The following CBFA2T3 variants were observed in gnomAD, a reference collection of about 807,000 sequenced individuals.
The protein encoded by CBFA2T3 is CBFA2/RUNX1 partner transcriptional co-repressor 3, also known as transcriptional corepressor CBFA2T3.
CBFA2T3 carries 31 observed loss-of-function variants against 58.6 expected under a neutral mutation model. That is an observed-to-expected ratio of 0.53 (90% CI 0.40 to 0.71). The LOEUF is 0.71. Among genes scored for constraint, CBFA2T3 ranks in the 30% least tolerant of loss-of-function variants. CBFA2T3 has a pLI of 0.00. For synonymous variants in CBFA2T3, 531 were observed against 421.9 expected, an observed-to-expected ratio of 1.26 and a Z score of -3.17; for missense variants, 1,076 against 963.1, an observed-to-expected ratio of 1.12 and a Z score of -1.55.
chr16:88,886,380 G>A, intron 5 of CBFA2T3: 1 of 390,534 alleles, frequency 2.6e-6, no homozygotes, highest in Non-Finnish European at 4.6e-6. Context: ...ACACGGCGAT[G>A]TGGGGCATGT....
At chr16:88,945,755 TTGAC>T (rs1971885366) in intron 1 of CBFA2T3, among the ~76,000 whole-genome samples, 1 of 152,202 alleles carries the variant, frequency 6.6e-6, no homozygotes, top group Non-Finnish European at 1.5e-5. Context: ...GGAAGACAGT[TTGAC>T]TGTTTCTTAT....
Position 88,878,027 on chromosome 16 carries a change from G to A in CBFA2T3, c.1663-752C>T, listed in dbSNP as rs1322069347. 4.6e-5 allele frequency among the ~76,000 whole-genome samples: 7 copies of A among 152,200 alleles called. 1 individual carries two copies. Among genetic ancestry groups the A allele is most frequent in the East Asian group, 3.9e-4 (2 of 5,184 alleles). ...GCCACTGCAGCAGCAGCTTCCCTGC[G>A]GACTAGGCACTGCCAGGCACAGTCC... On this transcript the variant is annotated intron_variant, in intron 11 of 11. Coordinates refer to ENST00000268679, the MANE Select transcript of CBFA2T3 (RefSeq NM_005187.6).
At chr16:88,903,876 C>T (rs978719684) in intron 1 of CBFA2T3, among the ~76,000 whole-genome samples, 1 of 152,232 alleles carries the variant, frequency 6.6e-6, no homozygotes, top group Admixed American at 6.5e-5. Context: ...CAAAGCCCTC[C>T]CATGGAGGCG....
chr16:88,929,005 C>T (rs1415410315), intron 1 of CBFA2T3, among the ~76,000 whole-genome samples: 1 of 152,190 alleles, frequency 6.6e-6, no homozygotes, highest in Non-Finnish European at 1.5e-5. Context: ...CTTGGAGGCC[C>T]CACGAGGACC....
At chr16:88,975,209 ACCCTCTGC>A (rs1972813140) in intron 1 of CBFA2T3, among the ~76,000 whole-genome samples, 1 of 76,386 alleles carries the variant, frequency 1.3e-5, no homozygotes, top group African/African-American at 5.1e-5. Flanking sequence ...GTCCACCCTG[ACCCTCTGC>A]TCCTCACCTG....
intron 1 of CBFA2T3, among the ~76,000 whole-genome samples, chr16:88,919,864 C>A (rs912520337): frequency 6.6e-6 from 1 of 152,204 alleles, no homozygotes; most frequent in Non-Finnish European, 1.5e-5. Flanking sequence ...TCCTGGGCCT[C>A]GGTTCCTTCA....
chr16:88,914,653 G>C (rs1163197869), intron 1 of CBFA2T3, among the ~76,000 whole-genome samples: 1 of 137,912 alleles, frequency 7.3e-6, no homozygotes, highest in African/African-American at 3.4e-5. Flanking sequence ...AGCCATCAAA[G>C]GTGCCATCAA....
rs568737742 is a variant in CBFA2T3 at position 88,931,537 on chromosome 16, C to T, written c.152-29881G>A. On this transcript the variant is annotated intron_variant, in intron 1 of 11. Transcript: ENST00000268679. ...AGGTGGAGAAGGGCCGTGGGCCGGC[C>T]CCGTGGACGAGCCAGAGGTGGAGAA... 4.6e-5 allele frequency among the ~76,000 whole-genome samples: 7 copies of T among 152,130 alleles called. No individual in the cohort carries two copies. In the South Asian group the frequency reaches 1.5e-3, roughly 32 times the overall value.
At chr16:88,954,416 C>CCAGCCAAGGCTCCTGATCG (rs1972160869) in intron 1 of CBFA2T3, among the ~76,000 whole-genome samples, 1 of 138,594 alleles carries the variant, frequency 7.2e-6, no homozygotes, top group Non-Finnish European at 1.5e-5. Context: ...ACTCCTGACC[C>CCAGCCAAGGCTCCTGATCG]CACCCAAGGC....
chr16:88,910,684 A>G (rs1388906545), intron 1 of CBFA2T3, among the ~76,000 whole-genome samples: 1 of 152,208 alleles, frequency 6.6e-6, no homozygotes, highest in Non-Finnish European at 1.5e-5. Flanking sequence ...CCTGAGGGGC[A>G]TGTGAAACAG....
intron 1 of CBFA2T3, chr16:88,902,536 G>A (rs1340182791): frequency 6.6e-6 from 1 of 152,280 alleles, no homozygotes; most frequent in African/African-American, 2.4e-5. Flanking sequence ...GGGGGGCACG[G>A]AGCCCCCTTG....
chr16:88,959,299 C>T (rs1034568247), intron 1 of CBFA2T3, among the ~76,000 whole-genome samples: 1 of 152,196 alleles, frequency 6.6e-6, no homozygotes, highest in Non-Finnish European at 1.5e-5. Flanking sequence ...AGGGCATGAC[C>T]CTGTTGGGGG....
intron 5 of CBFA2T3, among the ~76,000 whole-genome samples, chr16:88,887,803 AAGTTCTGCCTGC>A (rs200024681): frequency 0.015 from 2,221 of 152,190 alleles, 22 homozygotes; most frequent in East Asian, 0.026. Context: ...CACTGAACGG[AAGTTCTGCCTGC>A]AGAACTTCTG....
intron 1 of CBFA2T3, among the ~76,000 whole-genome samples, chr16:88,918,077 C>A (rs1294849776): frequency 6.6e-6 from 1 of 152,146 alleles, no homozygotes; most frequent in East Asian, 1.9e-4. Flanking sequence ...GCTGGCATGG[C>A]CAGGCTGTGC....
chr16:88,908,587 G>A (rs1326172702), intron 1 of CBFA2T3, among the ~76,000 whole-genome samples: 1 of 152,180 alleles, frequency 6.6e-6, no homozygotes, highest in Non-Finnish European at 1.5e-5. Flanking sequence ...GCCCTGCCCA[G>A]CTGGGAAACA....
chr16:88,960,580 T>A (rs956363986), intron 1 of CBFA2T3, among the ~76,000 whole-genome samples: 4 of 152,246 alleles, frequency 2.6e-5, no homozygotes, highest in Middle Eastern at 6.3e-3. Flanking sequence ...GTCTTTGTCC[T>A]CTGCCCCTTC....
At chr16:88,910,943 C>T (rs370994473) in intron 1 of CBFA2T3, among the ~76,000 whole-genome samples, 268 of 150,686 alleles carry the variant, frequency 1.8e-3, no homozygotes, top group African/African-American at 6.0e-3. Flanking sequence ...TGGGCAGAGG[C>T]GGCCTGAGAG....
intron 1 of CBFA2T3, among the ~76,000 whole-genome samples, chr16:88,912,000 C>T (rs553309595): frequency 2.6e-5 from 4 of 152,380 alleles, no homozygotes; most frequent in Admixed American, 6.5e-5. Context: ...TGCCTTCAGC[C>T]GGCCTGGGTG....
intron 3 of CBFA2T3, 138 bp from the exon 4 acceptor site, chr16:88,892,623 A>G: frequency 9.7e-7 from 1 of 1,036,128 alleles, no homozygotes; most frequent in Non-Finnish European, 1.5e-6. Context: ...CAAGGACAGT[A>G]GCGCTGAGGA....
Sources: gnomAD v4.1 joint callset for allele counts (sites outside exome capture counted in the v4.1 genomes callset) on GRCh38, gnomAD v4.1.1 for gene constraint, MANE v1.5 for transcripts, NCBI Gene and HGNC (gene_info 2026-07-23, HGNC 2026-07-21) for gene names.